NAV2: variants seen among roughly 807,000 people sequenced by gnomAD.
NAV2 encodes the protein neuron navigator 2.
NAV2 carries 54 observed loss-of-function variants against 223.2 expected under a neutral mutation model. The observed-to-expected ratio is 0.24, with a 90% CI of 0.19 to 0.30. The LOEUF is 0.30. Ranked by LOEUF, NAV2 falls within the 10% of genes least tolerant of loss-of-function variation. The probability of loss-of-function intolerance (pLI) is 1.00; values close to 1 mark genes in which losing one functional copy is unlikely to be tolerated. For missense variants in NAV2, 2,806 were observed against 3,147.5 expected (o/e 0.89, Z 2.60); for synonymous variants, 1,279 against 1,239.3 (o/e 1.03, Z -0.67).
At chr11:19,559,211 C>T (rs1161709093) in intron 1 of NAV2, among the ~76,000 whole-genome samples, 1 of 152,248 alleles carries the variant, frequency 6.6e-6, no homozygotes, top group Non-Finnish European at 1.5e-5. Flanking sequence ...AAGCCACCTT[C>T]ACAGCTGAGG....
intron 1 of NAV2, among the ~76,000 whole-genome samples, chr11:19,504,688 A>C (rs1383202047): frequency 1.3e-5 from 2 of 152,210 alleles, no homozygotes; most frequent in Non-Finnish European, 2.9e-5. Flanking sequence ...GAATGAGGAC[A>C]GTTTATAGTA....
intron 1 of NAV2, among the ~76,000 whole-genome samples, chr11:19,730,797 G>A (rs1342793608): frequency 2.0e-5 from 3 of 151,536 alleles, no homozygotes; most frequent in Non-Finnish European, 4.4e-5. Flanking sequence ...GTCCTCAGGG[G>A]CATTCTTTTC....
intron 20 of NAV2, 51 bp from the exon 21 acceptor site, chr11:20,068,135 A>G (rs745710014): frequency 1.3e-6 from 2 of 1,548,456 alleles, no homozygotes; most frequent in Admixed American, 1.7e-5. Flanking sequence ...GCTGGACTAC[A>G]CTATTCTTTG....
chr11:20,006,229 A>T (rs1308035847), intron 11 of NAV2, among the ~76,000 whole-genome samples: 1 of 152,156 alleles, frequency 6.6e-6, no homozygotes, highest in Non-Finnish European at 1.5e-5. Flanking sequence ...TTAGGGTTTG[A>T]TTATAGACAA....
intron 1 of NAV2, among the ~76,000 whole-genome samples, chr11:19,595,125 G>C (rs2046171238): frequency 6.6e-6 from 1 of 152,144 alleles, no homozygotes; most frequent in Non-Finnish European, 1.5e-5. Context: ...TCCTCTTAGA[G>C]ACTGAGAAAC....
In NAV2 at chr11:20,054,157, A is replaced by G. The variant is rs545873197; in HGVS notation, c.4559A>G (p.Gln1520Arg). The G allele has an allele frequency of 6.2e-6, 10 of 1,613,792 alleles. No individual in the cohort carries two copies. In the South Asian group the frequency reaches 8.8e-5, roughly 14 times the overall value. Reference sequence around the variant, plus strand: ...CGGTCCCATTCTGCAGGAGGCCTTCAGGACACCGCTGCCAATTCCCCCTTT... The same window carrying G: ...CGGTCCCATTCTGCAGGAGGCCTTCGGGACACCGCTGCCAATTCCCCCTTT... The part of the protein sequence containing the change: ...WLRSHSAGGL[Q>R]DTAANSPFSS... Residue 1520 changes from glutamine (Q) to arginine (R), a missense_variant, in exon 18 of 38, where the codon CAG becomes CGG. By Grantham distance (43) the Gln-to-Arg change is conservative. Coordinates refer to ENST00000349880, the MANE Select transcript of NAV2 (RefSeq NM_145117.5).
intron 6 of NAV2, among the ~76,000 whole-genome samples, chr11:19,905,006 C>T (rs1244137619): frequency 6.6e-6 from 1 of 152,206 alleles, no homozygotes; most frequent in Non-Finnish European, 1.5e-5. Flanking sequence ...CATATCCCCA[C>T]AGTTTATTAG....
At chr11:19,900,063 T>G (rs1311812206) in intron 6 of NAV2, among the ~76,000 whole-genome samples, 1 of 152,126 alleles carries the variant, frequency 6.6e-6, no homozygotes, top group Non-Finnish European at 1.5e-5. Flanking sequence ...GTGATGTTAT[T>G]ATGACCTTCT....
chr11:20,113,596 C>T (rs2062812388), intron 36 of NAV2, among the ~76,000 whole-genome samples: 1 of 152,168 alleles, frequency 6.6e-6, no homozygotes, highest in African/African-American at 2.4e-5. Context: ...AAGAGAGAAG[C>T]CCTCATAATT....
At chr11:19,961,246 G>T (rs778680994) in intron 10 of NAV2, among the ~76,000 whole-genome samples, 1 of 152,084 alleles carries the variant, frequency 6.6e-6, no homozygotes, top group South Asian at 2.1e-4. Context: ...CACTGCACCC[G>T]GCCCACGTTT....
intron 10 of NAV2, among the ~76,000 whole-genome samples, chr11:19,968,402 T>G (rs2048952696): frequency 6.6e-6 from 1 of 152,156 alleles, no homozygotes; most frequent in South Asian, 2.1e-4. Flanking sequence ...ATTTTTTTAG[T>G]AGAGACGGGG....
At chr11:19,946,851 C>T (rs572550913) in intron 9 of NAV2, among the ~76,000 whole-genome samples, 1 of 152,276 alleles carries the variant, frequency 6.6e-6, no homozygotes, top group Non-Finnish European at 1.5e-5. Flanking sequence ...GTGTGATAAA[C>T]TGAATAGCTT....
Position 19,897,886 on chromosome 11 carries a change from T to TATATATATATATATATA in NAV2, c.931+5292_931+5293insATATATATATATATATA, listed in dbSNP as rs1555129987. ...GCCACAGCTGTGCCTGACCTGTGAT[T>TATATATATATATATATA]TATATATATATATATATATGTGAGC... On this transcript the variant is annotated intron_variant, in intron 6 of 37. Transcript: ENST00000349880. 7.9e-4 allele frequency among the ~76,000 whole-genome samples: 95 copies of TATATATATATATATATA among 120,672 alleles called. 6 individuals carry two copies. The highest frequency in any genetic ancestry group is 3.1e-3 in the African/African-American group (91 of 29,672). 79.2% of individuals were successfully genotyped at this position (120,672 alleles called of 152,430 possible). A position where few individuals can be genotyped will look rare whatever the true frequency, so the allele number is the denominator to read the frequency against.
chr11:19,919,110 G>A (rs981219567), intron 6 of NAV2, among the ~76,000 whole-genome samples: 2 of 152,066 alleles, frequency 1.3e-5, no homozygotes, highest in Non-Finnish European at 2.9e-5. Context: ...TTAGGATTCC[G>A]AAGAGAAATG....
At position 20,092,337 on chromosome 11, in the gene NAV2, C is replaced by G; in HGVS notation, c.5784C>G (p.His1928Gln). The change falls in exon 28 of 38, where the codon CAC becomes CAG. Residue 1928 changes from histidine to glutamine, a missense_variant. Coordinates refer to ENST00000349880, the MANE Select transcript of NAV2 (RefSeq NM_145117.5). ...GGCAGTCCATGGGCCTCTCCCAGCA[C>G]AGCTTGAACCTCACTGAGTCAACCA... ...SPRQSMGLSQHSLNLTESTSL... is the reference protein window; with the variant it reads ...SPRQSMGLSQQSLNLTESTSL... 1 of 1,613,942 alleles carries G rather than the reference C, an allele frequency of 6.2e-7. No individual in the cohort carries two copies. The highest frequency in any genetic ancestry group is 8.5e-7 in the Non-Finnish European group (1 of 1,179,838).
chr11:19,718,421 A>T (rs1236959310), intron 1 of NAV2, among the ~76,000 whole-genome samples: 3 of 151,996 alleles, frequency 2.0e-5, no homozygotes, highest in African/African-American at 2.4e-5. Flanking sequence ...TAGTTTTTTT[A>T]AAAAAGTAAT....
intron 1 of NAV2, among the ~76,000 whole-genome samples, chr11:19,588,906 T>A (rs544899925): frequency 1.2e-4 from 19 of 152,300 alleles, no homozygotes; most frequent in African/African-American, 4.6e-4. Flanking sequence ...TTTCTGCATA[T>A]CATAAGGTAG....
intron 1 of NAV2, among the ~76,000 whole-genome samples, chr11:19,625,665 C>A (rs541185840): frequency 5.0e-4 from 76 of 152,238 alleles, no homozygotes; most frequent in African/African-American, 1.8e-3. Flanking sequence ...TCGTTCCCAC[C>A]AAAAATGTAT....
chr11:19,548,059 G>A (rs2134611924), intron 1 of NAV2, among the ~76,000 whole-genome samples: 1 of 152,266 alleles, frequency 6.6e-6, no homozygotes, highest in African/African-American at 2.4e-5. Context: ...CAGACTCAGG[G>A]GGCCTGACTC....
Sources: allele counts gnomAD v4.1 joint callset (sites outside exome capture counted in the v4.1 genomes callset), GRCh38; gene constraint gnomAD v4.1.1; transcripts MANE v1.5; gene names NCBI Gene and HGNC (gene_info 2026-07-23, HGNC 2026-07-21).